PLEKHF2: variants seen among roughly 807,000 people sequenced by gnomAD.
PLEKHF2 encodes pleckstrin homology and FYVE domain containing 2.
A neutral mutation model predicts 14.7 loss-of-function variants in PLEKHF2; 4 were observed. That is an observed-to-expected ratio of 0.27 (90% confidence interval 0.13 to 0.62). PLEKHF2 has a LOEUF of 0.62. Ranked by LOEUF, PLEKHF2 falls within the 20% of genes least tolerant of loss-of-function variation. The pLI, the probability that PLEKHF2 is intolerant of heterozygous loss-of-function variation, is 0.85. For missense variants in PLEKHF2, 201 were observed against 307.7 expected, an observed-to-expected ratio of 0.65 and a Z score of 2.60; for synonymous variants, 90 against 103.5, an observed-to-expected ratio of 0.87 and a Z score of 0.79.
In PLEKHF2 at chr8:95,154,442, T is replaced by C; in HGVS notation, c.398T>C (p.Leu133Ser). 6.2e-7 allele frequency: 1 copy of C among 1,614,074 alleles called. No homozygotes were observed. The highest frequency in any genetic ancestry group is 8.5e-7 in the Non-Finnish European group (1 of 1,179,938). Residue 133 changes from leucine (L) to serine (S), a missense_variant, in exon 2 of 2, where the codon TTA becomes TCA. Transcript: ENST00000315367. This position sits in a 1 kb window ranked among gnomAD's most constrained non-coding sequence, Gnocchi z 5.6. ...CATATAAATAAATGTGTTACTGATT[T>C]ACTCTCCAAAAGTGGGAAGACACCC... is the stretch of plus-strand genomic sequence containing the variant. ...MNHINKCVTD[L>S]LSKSGKTPSN...
Position 95,155,956 on chromosome 8 carries a change from T to G in PLEKHF2, c.*1162T>G, listed in dbSNP as rs777980619. On this transcript the variant is annotated 3_prime_UTR_variant, in exon 2 of 2. Coordinates refer to ENST00000315367, the MANE Select transcript of PLEKHF2 (RefSeq NM_024613.4). ...AATATTTCTATTTTTGTAAAACAAT[T>G]GTATGTATAATCTGTATTTGAAATC... 1.8e-5 allele frequency: 3 copies of G among 167,066 alleles called. No individual in the cohort carries two copies. Among genetic ancestry groups the G allele is most frequent in the Non-Finnish European group, 4.4e-5 (3 of 68,100 alleles). 10.3% of individuals were successfully genotyped at this position (167,066 alleles called of 1,614,324 possible). A position where few individuals can be genotyped will look rare whatever the true frequency, so the allele number is the denominator to read the frequency against.
intron 1 of PLEKHF2, among the ~76,000 whole-genome samples, chr8:95,152,475 A>G (rs1336959509): frequency 1.3e-5 from 2 of 152,104 alleles, no homozygotes; most frequent in Non-Finnish European, 2.9e-5. Context: ...TGAAAAATAT[A>G]CTAATGTTTA....
Position 95,155,105 on chromosome 8 carries a change from T to C in PLEKHF2, c.*311T>C, listed in dbSNP as rs1332481743. The C allele has an allele frequency of 3.7e-6, 1 of 270,906 alleles. No homozygotes were observed. The highest frequency in any genetic ancestry group is 7.5e-6 in the Non-Finnish European group (1 of 132,874). 16.8% of individuals were successfully genotyped at this position (270,906 alleles called of 1,614,324 possible). A position where few individuals can be genotyped will look rare whatever the true frequency, so the allele number is the denominator to read the frequency against. ...TTTAACAGGTCATGTACTACGTTGT[T>C]GTTTTCATTTCTGTTATAAGTAAAA... is the stretch of plus-strand genomic sequence containing the variant. On this transcript the variant is annotated 3_prime_UTR_variant, in exon 2 of 2. Coordinates refer to ENST00000315367, the MANE Select transcript of PLEKHF2 (RefSeq NM_024613.4).
intron 1 of PLEKHF2, among the ~76,000 whole-genome samples, chr8:95,152,072 A>G (rs1018926389): frequency 6.6e-6 from 1 of 152,126 alleles, no homozygotes; most frequent in African/African-American, 2.4e-5. Flanking sequence ...ATGTCTTAAA[A>G]TCTATAGCAC....
At chr8:95,141,295 C>T (rs936559337) in intron 1 of PLEKHF2, among the ~76,000 whole-genome samples, 4 of 152,094 alleles carry the variant, frequency 2.6e-5, no homozygotes, top group African/African-American at 9.7e-5. Flanking sequence ...CATCAACTTT[C>T]CCCTCTATTT....
chr8:95,154,378 T>G lies in PLEKHF2; in HGVS notation c.334T>G (p.Tyr112Asp). ...GACACCAACTAAATCTTTTGCAGTT[T>G]ATGCTGCCACTGCTACGGAGAAATC... ...IKTPTKSFAV[Y>D]AATATEKSEW... is the part of the protein sequence containing the mutation. Residue 112 changes from tyrosine (Y) to aspartate (D), a missense_variant, in exon 2 of 2, where the codon TAT (tyrosine) becomes GAT (aspartate). Transcript: ENST00000315367. This position sits in a 1 kb window ranked among gnomAD's most constrained non-coding sequence, Gnocchi z 5.6. 6.2e-7 allele frequency: 1 copy of G among 1,614,126 alleles called. No homozygotes were observed. Among genetic ancestry groups the G allele is most frequent in the Non-Finnish European group, 8.5e-7 (1 of 1,179,988 alleles).
intron 1 of PLEKHF2, among the ~76,000 whole-genome samples, chr8:95,151,968 T>C (rs1405135540): frequency 6.6e-6 from 1 of 152,108 alleles, no homozygotes; most frequent in African/African-American, 2.4e-5. Context: ...AAGATAAACA[T>C]TTTTTACTAT....
chr8:95,141,216 T>C (rs1265592384), intron 1 of PLEKHF2, among the ~76,000 whole-genome samples: 1 of 152,244 alleles, frequency 6.6e-6, no homozygotes, highest in Non-Finnish European at 1.5e-5. Context: ...AGCTTTACTC[T>C]TCTATATCCA....
chr8:95,144,992 A>T (rs1407095107), intron 1 of PLEKHF2, among the ~76,000 whole-genome samples: 1 of 152,084 alleles, frequency 6.6e-6, no homozygotes, highest in Non-Finnish European at 1.5e-5. Context: ...CAAAATCGAG[A>T]TTATTAAATG....
chr8:95,142,156 G>T (rs1030074156), intron 1 of PLEKHF2, among the ~76,000 whole-genome samples: 2 of 152,156 alleles, frequency 1.3e-5, no homozygotes, highest in African/African-American at 4.8e-5. Context: ...TGTTTTGAAT[G>T]ATACTAAAGA....
At chr8:95,150,468 G>T (rs1810545737) in intron 1 of PLEKHF2, among the ~76,000 whole-genome samples, 1 of 152,128 alleles carries the variant, frequency 6.6e-6, no homozygotes, top group Non-Finnish European at 1.5e-5. Context: ...TTATACGAGT[G>T]TTTGTAACCT....
intron 1 of PLEKHF2, among the ~76,000 whole-genome samples, chr8:95,148,839 A>G (rs1483156533): frequency 2.0e-5 from 3 of 152,160 alleles, no homozygotes; most frequent in Admixed American, 2.0e-4. Context: ...AAATAATTAA[A>G]TGTAGAGTTT....
At chr8:95,143,299 C>T (rs1200328341) in intron 1 of PLEKHF2, among the ~76,000 whole-genome samples, 5 of 151,870 alleles carry the variant, frequency 3.3e-5, no homozygotes, top group South Asian at 2.1e-4. Context: ...CAGGCTTTCA[C>T]CATGTTAGCC....
At chr8:95,153,340 C>T (rs1810581806) in intron 1 of PLEKHF2, among the ~76,000 whole-genome samples, 1 of 152,126 alleles carries the variant, frequency 6.6e-6, no homozygotes, top group South Asian at 2.1e-4. Flanking sequence ...AAATGGACTA[C>T]AAGTAGTAGA....
intron 1 of PLEKHF2, 97 bp downstream of exon 1, chr8:95,134,127 G>A (rs1349962823): frequency 1.3e-5 from 2 of 151,630 alleles, no homozygotes; most frequent in Non-Finnish European, 2.9e-5. Context: ...TCCCGGAGCC[G>A]TCGCAGCGCC....
intron 1 of PLEKHF2, among the ~76,000 whole-genome samples, chr8:95,143,641 C>T (rs1810460957): frequency 6.6e-6 from 1 of 151,972 alleles, no homozygotes; most frequent in African/African-American, 2.4e-5. Context: ...GAGGACATGC[C>T]GAGCTTAGAG....
chr8:95,149,088 G>A (rs1373464512), intron 1 of PLEKHF2, among the ~76,000 whole-genome samples: 1 of 152,008 alleles, frequency 6.6e-6, no homozygotes, highest in African/African-American at 2.4e-5. Context: ...TAAATATATA[G>A]TCTTTAAAAT....
At chr8:95,139,147 T>C (rs934709457) in intron 1 of PLEKHF2, among the ~76,000 whole-genome samples, 1 of 152,240 alleles carries the variant, frequency 6.6e-6, no homozygotes, top group Non-Finnish European at 1.5e-5. Flanking sequence ...TTGACATTTG[T>C]TTCTTATTTT....
intron 1 of PLEKHF2, among the ~76,000 whole-genome samples, chr8:95,138,450 T>A (rs116972771): frequency 3.3e-5 from 5 of 150,498 alleles, no homozygotes; most frequent in Non-Finnish European, 7.4e-5. Context: ...AAGATTTTTG[T>A]GTTCTTTGCT....
Sources: allele counts gnomAD v4.1 joint callset (sites outside exome capture counted in the v4.1 genomes callset), GRCh38; gene constraint gnomAD v4.1.1; non-coding constraint Gnocchi (gnomAD v3.1); transcripts MANE v1.5; gene names NCBI Gene and HGNC (gene_info 2026-07-23, HGNC 2026-07-21).